The following RLIG1 variants were observed in gnomAD, a reference collection of about 807,000 sequenced individuals.
The protein encoded by RLIG1 is RNA 5'-phosphate and 3'-OH ligase 1, also known as RNA ligase 1.
chr12:88,048,958 C>T, the RLIG1 span: 1 of 331,576 alleles, frequency 3.0e-6, no homozygotes, highest in South Asian at 1.3e-4. Context: ...GAGAAATTCA[C>T]CAGAGCTCAC....
At chr12:88,046,606 G>T in the RLIG1 span, among the ~76,000 whole-genome samples, 1 of 152,164 alleles carries the variant, frequency 6.6e-6, no homozygotes, top group Non-Finnish European at 1.5e-5. Context: ...GCTGAACCGT[G>T]GTGGAGAGTA....
chr12:88,049,174 T>C, the RLIG1 span: 14 of 1,510,268 alleles, frequency 9.3e-6, no homozygotes, highest in Non-Finnish European at 1.1e-5. Context: ...ACAAAGTTTA[T>C]AGGTGACCTT....
the RLIG1 span, chr12:88,043,475 G>A: frequency 3.3e-6 from 2 of 604,934 alleles, no homozygotes; most frequent in South Asian, 4.5e-5. Context: ...ATAATGAATG[G>A]AGAATAATTG....
chr12:88,040,123 G>T, the RLIG1 span: 1 of 1,356,262 alleles, frequency 7.4e-7, no homozygotes, highest in South Asian at 1.2e-5. Context: ...ATCTTAAACC[G>T]GTTTTCTCTC....
At chr12:88,035,922 G>A in the RLIG1 span, 22 of 1,514,564 alleles carry the variant, frequency 1.5e-5, no homozygotes, top group South Asian at 2.5e-5. Context: ...CCAGGTTCTT[G>A]TACTTTTCTT....
the RLIG1 span, chr12:88,043,564 A>G: frequency 2.1e-6 from 3 of 1,406,070 alleles, no homozygotes; most frequent in Non-Finnish European, 2.9e-6. Context: ...TTTAAGTATC[A>G]CCACATACAA....
the RLIG1 span, among the ~76,000 whole-genome samples, chr12:88,039,011 A>G: frequency 1.3e-5 from 2 of 152,196 alleles, no homozygotes; most frequent in Non-Finnish European, 2.9e-5. Flanking sequence ...ATAGAAACTG[A>G]TGTCAATTAT....
At chr12:88,047,264 G>A in the RLIG1 span, among the ~76,000 whole-genome samples, 1 of 152,078 alleles carries the variant, frequency 6.6e-6, no homozygotes, top group Admixed American at 6.6e-5. Flanking sequence ...GAGACATCTT[G>A]TACTAACTTA....
the RLIG1 span, among the ~76,000 whole-genome samples, chr12:88,039,250 T>C: frequency 6.6e-6 from 1 of 152,140 alleles, no homozygotes; most frequent in South Asian, 2.1e-4. Flanking sequence ...GAATGTGACC[T>C]GAGACAGGAG....
chr12:88,046,758 T>A, the RLIG1 span: 1 of 1,517,930 alleles, frequency 6.6e-7, no homozygotes, highest in Non-Finnish European at 8.9e-7. Flanking sequence ...TTTCTAGTTC[T>A]GAAAGTTCCT....
At chr12:88,049,481 G>T in the RLIG1 span, 4 of 827,730 alleles carry the variant, frequency 4.8e-6, no homozygotes, top group Non-Finnish European at 7.7e-6. Flanking sequence ...TGAACAAGGA[G>T]ATTTAATTGT....
the RLIG1 span, chr12:88,047,017 T>C: frequency 3.9e-6 from 6 of 1,540,666 alleles, no homozygotes; most frequent in African/African-American, 1.4e-5. Flanking sequence ...TGTCATCTTA[T>C]ATTCCTACAA....
chr12:88,045,517 T>C, the RLIG1 span: 1 of 1,123,118 alleles, frequency 8.9e-7, no homozygotes, highest in Non-Finnish European at 1.3e-6. Context: ...AAATATAAAT[T>C]ACCTGTAGTG....
chr12:88,035,678 A>G, the RLIG1 span: 38 of 1,608,960 alleles, frequency 2.4e-5, no homozygotes, highest in Middle Eastern at 1.6e-4. Flanking sequence ...TGCAGCGGAA[A>G]ATGCCGTGTG....
the RLIG1 span, chr12:88,048,113 A>T: frequency 1.6e-6 from 1 of 615,672 alleles, no homozygotes. Context: ...TATAAAAAAA[A>T]AAACAGTAAG....
chr12:88,035,833 T>A, the RLIG1 span: 7 of 1,540,708 alleles, frequency 4.5e-6, no homozygotes, highest in Non-Finnish European at 6.1e-6. Context: ...CTGGGCGCTT[T>A]AGAACTGCCC....
chr12:88,046,989 A>G, the RLIG1 span: 2 of 1,591,578 alleles, frequency 1.3e-6, no homozygotes, highest in South Asian at 1.2e-5. Flanking sequence ...AATGGCAAAA[A>G]TAGCTCCGGT....
At chr12:88,041,947 C>A in the RLIG1 span, 1 of 152,058 alleles carries the variant, frequency 6.6e-6, no homozygotes, top group South Asian at 2.1e-4. Context: ...GTCACAGAAC[C>A]CAAAGTGACA....
chr12:88,048,503 C>A, the RLIG1 span: 1 of 772,838 alleles, frequency 1.3e-6, no homozygotes, highest in Non-Finnish European at 1.9e-6. Flanking sequence ...GGTTTCTGTT[C>A]ATTATGAAAC....
Sources: gnomAD v4.1 joint callset for allele counts (sites outside exome capture counted in the v4.1 genomes callset) on GRCh38, gnomAD v4.1.1 for gene constraint, MANE v1.5 for transcripts, NCBI Gene and HGNC (gene_info 2026-07-23, HGNC 2026-07-21) for gene names.